The following NDP variants were observed in gnomAD, a reference collection of about 807,000 sequenced individuals.
NDP encodes the protein norrin cystine knot growth factor NDP.
Under a neutral mutation model 8.4 loss-of-function variants are expected in NDP, and 2 were observed. The observed-to-expected ratio is 0.24, with a 90% CI of 0.10 to 0.75. The LOEUF (loss-of-function observed/expected upper bound fraction) is 0.75, where lower values mean the gene tolerates loss of function less well. Ranked by LOEUF, NDP falls within the 30% of genes least tolerant of loss-of-function variation. The probability of loss-of-function intolerance (pLI) is 0.73; values close to 1 mark genes in which losing one functional copy is unlikely to be tolerated. For synonymous variants in NDP, 55 were observed against 45.6 expected, an observed-to-expected ratio of 1.21 and a Z score of -0.83; for missense variants, 81 against 110.1, an observed-to-expected ratio of 0.74 and a Z score of 1.18.
chrX:43,957,266 A>G (rs988469214), intron 2 of NDP, among the ~76,000 whole-genome samples: 4 of 111,113 alleles, frequency 3.6e-5, no homozygotes, highest in African/African-American at 1.3e-4. Context: ...TTTTTTCTCA[A>G]TTTGTTTTAG....
intron 2 of NDP, chrX:43,953,448 A>C (rs1450321080): frequency 8.9e-6 from 1 of 112,136 alleles, no homozygotes; most frequent in Non-Finnish European, 1.9e-5. Flanking sequence ...GAGATTCTGC[A>C]TTTCCCATCA....
In NDP at chrX:43,958,511, C is replaced by T. The variant is rs945826661; in HGVS notation, c.135G>A (p.Val45=). 1 of 1,211,945 alleles carries T rather than the reference C, an allele frequency of 8.3e-7. No individual in the cohort carries two copies. The highest frequency in any genetic ancestry group is 1.7e-5 in the African/African-American group (1 of 57,861). The change falls in exon 2 of 3, where the codon GTG becomes GTA. Residue 45 remains valine, a synonymous_variant. Coordinates refer to ENST00000642620, the MANE Select transcript of NDP (RefSeq NM_000266.4). ...TGTACAATGGGTGACTGATAGAATC[C>T]ACATAGTGGTGCCTCATGCAGCGTC... is the stretch of plus-strand genomic sequence containing the variant. ...DPRRCMRHHY[V]DSISHPLYKC... is the part of the protein sequence containing the mutation.
At chrX:43,952,490 T>C (rs1378858369) in intron 2 of NDP, among the ~76,000 whole-genome samples, 3 of 112,365 alleles carry the variant, frequency 2.7e-5, no homozygotes, top group Non-Finnish European at 5.6e-5. Flanking sequence ...AACAATGATA[T>C]GGGACATAAT....
At chrX:43,955,461 T>C (rs766473864) in intron 2 of NDP, among the ~76,000 whole-genome samples, 2 of 112,187 alleles carry the variant, frequency 1.8e-5, no homozygotes, top group East Asian at 5.6e-4. Flanking sequence ...GAGCTGGAAT[T>C]GGAAACCAGG....
chrX:43,952,099 C>T (rs778886272), intron 2 of NDP, among the ~76,000 whole-genome samples: 1 of 112,028 alleles, frequency 8.9e-6, no homozygotes, highest in South Asian at 3.7e-4. Context: ...TCAAGGGATC[C>T]TCCTGCCTCA....
At chrX:43,950,366 C>G (rs1467777044) in intron 2 of NDP, among the ~76,000 whole-genome samples, 1 of 106,602 alleles carries the variant, frequency 9.4e-6, no homozygotes, top group Non-Finnish European at 1.9e-5. Context: ...AGGTAGTGGT[C>G]TACCACTGGC....
In NDP at chrX:43,971,311, TA is replaced by T. The variant is rs747158394; in HGVS notation, c.-208+1992del. ...TAATAGTACTTGAATTGTGAGTTCT[TA>T]AAATAAAGATTGCTGGCCACCATTG... On this transcript the variant is annotated intron_variant, in intron 1 of 2. Transcript: ENST00000642620. Among the ~76,000 whole-genome samples the T allele has an allele frequency of 1.4e-4, 16 of 112,556 alleles. No homozygotes were observed. The East Asian group carries it at 4.2e-3, about 29-fold the overall frequency.
chrX:43,959,850 G>A (rs180966136), intron 1 of NDP, among the ~76,000 whole-genome samples: 276 of 112,007 alleles, frequency 2.5e-3, no homozygotes, highest in African/African-American at 8.3e-3. Flanking sequence ...TTAAAGCTTC[G>A]GGAAAACTTT....
chrX:43,970,528 C>T (rs771486100), intron 1 of NDP, among the ~76,000 whole-genome samples: 1 of 110,518 alleles, frequency 9.0e-6, no homozygotes, highest in Admixed American at 9.6e-5. Flanking sequence ...TTTTTTTTTC[C>T]CCCAGTAACC....
At chrX:43,970,412 G>T (rs965175102) in intron 1 of NDP, among the ~76,000 whole-genome samples, 2 of 112,224 alleles carry the variant, frequency 1.8e-5, no homozygotes, top group African/African-American at 6.5e-5. Flanking sequence ...GGCTGGCTAG[G>T]GTGAGTCAGG....
At chrX:43,969,872 C>G (rs192671032) in intron 1 of NDP, among the ~76,000 whole-genome samples, 23 of 111,911 alleles carry the variant, frequency 2.1e-4, no homozygotes, top group Non-Finnish European at 4.0e-4. Flanking sequence ...AAAAGAAAAG[C>G]CACATGCCAC....
chrX:43,967,443 C>T (rs200456606), intron 1 of NDP, among the ~76,000 whole-genome samples: 1 of 56,565 alleles, frequency 1.8e-5, no homozygotes, highest in Admixed American at 1.5e-4. Context: ...AATGTGTGTA[C>T]CTCCATTTTA....
chrX:43,949,625 A>G lies in NDP; in HGVS notation c.*174T>C, dbSNP rs1252354840. 2.1e-6 allele frequency: 1 copy of G among 478,339 alleles called. No individual in the cohort carries two copies. The highest frequency in any genetic ancestry group is 2.4e-5 in the African/African-American group (1 of 41,971). The allele number at this position is 478,339 out of a possible 1,213,427, so 39.4% of individuals were successfully genotyped here. The stretch of plus-strand genomic sequence containing the variant: ...AGATGGGAACTGCAAAGAAGTTCCC[A>G]GAGTATCTCTCTCTGTCAACAAGCA... On this transcript the variant is annotated 3_prime_UTR_variant, in exon 3 of 3. Coordinates refer to ENST00000642620, the MANE Select transcript of NDP (RefSeq NM_000266.4).
chrX:43,957,566 T>C (rs1212899624), intron 2 of NDP, among the ~76,000 whole-genome samples: 1 of 109,990 alleles, frequency 9.1e-6, no homozygotes, highest in Non-Finnish European at 1.9e-5. Flanking sequence ...GAATGGAGAG[T>C]GGAGGGATTG....
intron 2 of NDP, among the ~76,000 whole-genome samples, chrX:43,957,921 A>G: frequency 9.3e-6 from 1 of 107,977 alleles, no homozygotes; most frequent in African/African-American, 3.4e-5. Context: ...TGCAAGAAAC[A>G]TGCATCCTTT....
intron 2 of NDP, among the ~76,000 whole-genome samples, chrX:43,950,276 G>C (rs2035753472): frequency 9.2e-6 from 1 of 108,862 alleles, no homozygotes; most frequent in Admixed American, 9.7e-5. Flanking sequence ...TAAGTGTACT[G>C]AGGGTTTAGA....
chrX:43,963,391 C>T (rs2035838004), intron 1 of NDP, among the ~76,000 whole-genome samples: 1 of 111,423 alleles, frequency 9.0e-6, no homozygotes, highest in Non-Finnish European at 1.9e-5. Flanking sequence ...AATTTGTATC[C>T]AGTATTCATT....
chrX:43,957,166 G>T (rs1338851337), intron 2 of NDP, among the ~76,000 whole-genome samples: 3 of 111,770 alleles, frequency 2.7e-5, no homozygotes, highest in African/African-American at 9.8e-5. Flanking sequence ...TTCTGAAGGG[G>T]GAGGGAAGGA....
chrX:43,949,722 T>C lies in NDP; in HGVS notation c.*77A>G, dbSNP rs1411412829. ...TGCATCCTTTTTTGCCTTAACTCTT[T>C]TCTTGCCAGTCTTTCCCTGGCTGGT... On this transcript the variant is annotated 3_prime_UTR_variant, in exon 3 of 3. Transcript: ENST00000642620. The C allele has an allele frequency of 3.0e-6, 3 of 999,718 alleles. No individual in the cohort carries two copies. The East Asian group carries it at 1.0e-4, about 33-fold the overall frequency. 82.4% of individuals were successfully genotyped at this position (999,718 alleles called of 1,213,427 possible).
Sources: gnomAD v4.1 joint callset for allele counts (sites outside exome capture counted in the v4.1 genomes callset) on GRCh38, gnomAD v4.1.1 for gene constraint, MANE v1.5 for transcripts, NCBI Gene and HGNC (gene_info 2026-07-23, HGNC 2026-07-21) for gene names.